Variants in SLC12A2 observed in about 807,000 individuals in gnomAD.
SLC12A2 encodes the protein Na-K-2Cl cotransporter 1.
Under a neutral mutation model 136.3 loss-of-function variants are expected in SLC12A2, and 67 were observed. That is an observed-to-expected ratio of 0.49 (90% confidence interval 0.40 to 0.60). The LOEUF (loss-of-function observed/expected upper bound fraction) is 0.60, where lower values mean the gene tolerates loss of function less well. Among genes scored for constraint, SLC12A2 ranks in the 20% least tolerant of loss-of-function variants. The probability of loss-of-function intolerance (pLI) is 0.00; values close to 1 mark genes in which losing one functional copy is unlikely to be tolerated. For synonymous variants in SLC12A2, 619 were observed against 562.9 expected, an observed-to-expected ratio of 1.10 and a Z score of -1.41; for missense variants, 1,322 against 1,534.7, an observed-to-expected ratio of 0.86 and a Z score of 2.32.
Position 128,083,915 on chromosome 5 carries a change from G to GTCCGCCGGGCTCTGCAGT in SLC12A2, c.-30_-13dup, listed in dbSNP as rs1458311856. ...GTGTGGAGGGCGTGCTGCCGGAGAC[G>GTCCGCCGGGCTCTGCAGT]TCCGCCGGGCTCTGCAGTTCCGCCG... On this transcript the variant is annotated 5_prime_UTR_variant, in exon 1 of 27. Coordinates refer to ENST00000262461, the MANE Select transcript of SLC12A2 (RefSeq NM_001046.3). 4 of 1,216,334 alleles carry GTCCGCCGGGCTCTGCAGT rather than the reference G, an allele frequency of 3.3e-6. No homozygotes were observed. The highest frequency in any genetic ancestry group is 4.1e-6 in the Non-Finnish European group (4 of 977,586). The allele number at this position is 1,216,334 out of a possible 1,614,324, so 75.3% of individuals were successfully genotyped here.
chr5:128,162,947 G>T (rs1292344504), intron 17 of SLC12A2, among the ~76,000 whole-genome samples: 1 of 148,830 alleles, frequency 6.7e-6, no homozygotes, highest in Non-Finnish European at 1.5e-5. Flanking sequence ...ATTTTTGTGA[G>T]TTTTTTTTTT....
At chr5:128,153,802 G>A (rs1476503450) in intron 15 of SLC12A2, among the ~76,000 whole-genome samples, 1 of 151,826 alleles carries the variant, frequency 6.6e-6, no homozygotes, top group East Asian at 1.9e-4. Flanking sequence ...TTATTTTTTT[G>A]TTACTCTTTT....
intron 15 of SLC12A2, among the ~76,000 whole-genome samples, chr5:128,153,353 G>C (rs1762766769): frequency 6.6e-6 from 1 of 152,182 alleles, no homozygotes; most frequent in Admixed American, 6.5e-5. Context: ...TCAGGAGTTT[G>C]AGACCAGCCT....
intron 11 of SLC12A2, among the ~76,000 whole-genome samples, chr5:128,148,177 A>G (rs1421376507): frequency 1.3e-5 from 2 of 151,770 alleles, no homozygotes; most frequent in Admixed American, 1.3e-4. Context: ...ATGATGATGT[A>G]TAGGATAGAC....
intron 4 of SLC12A2, among the ~76,000 whole-genome samples, chr5:128,119,273 T>A (rs1158665745): frequency 6.6e-6 from 1 of 152,122 alleles, no homozygotes; most frequent in Admixed American, 6.5e-5. Context: ...AGACTGAAAG[T>A]TGACTATTAA....
At chr5:128,167,402 G>A (rs1763236180) in intron 17 of SLC12A2, among the ~76,000 whole-genome samples, 1 of 151,992 alleles carries the variant, frequency 6.6e-6, no homozygotes, top group Non-Finnish European at 1.5e-5. Context: ...GTTTTTAATG[G>A]CTGTTATCAC....
intron 16 of SLC12A2, among the ~76,000 whole-genome samples, chr5:128,160,952 G>T (rs964665123): frequency 1.3e-5 from 2 of 151,982 alleles, no homozygotes; most frequent in African/African-American, 4.8e-5. Context: ...GTTTGTCTCT[G>T]AGCTGATCAG....
chr5:128,110,037 C>T, intron 1 of SLC12A2: 1 of 1,062,168 alleles, frequency 9.4e-7, no homozygotes. Context: ...AAGACTTGGA[C>T]AGAGGCAGAG....
At chr5:128,174,492 CA>C in intron 19 of SLC12A2, 48 bp from the exon 20 acceptor site, 1 of 1,384,102 alleles carries the variant, frequency 7.2e-7, no homozygotes, top group Non-Finnish European at 1.0e-6. Context: ...CCTTATTTAA[CA>C]GTTAAAATAT....
rs1763249282 is a variant in SLC12A2 at position 128,167,805 on chromosome 5, A to G, written c.2661A>G (p.Gly887=). Residue 887 remains glycine (G), a synonymous_variant, in exon 18 of 27, where the codon GGA becomes GGG. Coordinates refer to ENST00000262461, the MANE Select transcript of SLC12A2 (RefSeq NM_001046.3). The stretch of plus-strand genomic sequence containing the variant: ...TGAAGCCAAACACACTTGTCCTTGG[A>G]TTTAAGAAAGATTGGTTGCAAGCAG... ...GRMKPNTLVL[G]FKKDWLQADM... The G allele has an allele frequency of 6.2e-7, 1 of 1,610,050 alleles. No homozygotes were observed. Among genetic ancestry groups the G allele is most frequent in the Non-Finnish European group, 8.5e-7 (1 of 1,178,376 alleles).
At chr5:128,133,409 A>G (rs991021433) in intron 5 of SLC12A2, among the ~76,000 whole-genome samples, 1 of 152,020 alleles carries the variant, frequency 6.6e-6, no homozygotes, top group African/African-American at 2.4e-5. Flanking sequence ...CTTGTAATTG[A>G]CTTTTATGAA....
At chr5:128,145,447 C>T (rs924517783) in intron 10 of SLC12A2, among the ~76,000 whole-genome samples, 1 of 152,066 alleles carries the variant, frequency 6.6e-6, no homozygotes, top group Non-Finnish European at 1.5e-5. Flanking sequence ...TTTACAATCT[C>T]CTTCCCTAAA....
rs757673212 is a variant in SLC12A2 at position 128,084,181 on chromosome 5, C to G, written c.227C>G (p.Pro76Arg). 1.2e-5 allele frequency: 16 copies of G among 1,292,240 alleles called. No individual in the cohort carries two copies. Among genetic ancestry groups the G allele is most frequent in the African/African-American group, 1.6e-5 (1 of 64,334 alleles). The allele number at this position is 1,292,240 out of a possible 1,614,324, so 80.0% of individuals were successfully genotyped here. Residue 76 changes from proline to arginine, a missense_variant, in exon 1 of 27, where the codon CCG becomes CGG. This residue lies in a region of SLC12A2 where 358 missense variants were observed against 299.7 expected (regional missense o/e 1.19). Transcript: ENST00000262461. The surrounding 1 kb of genome is among the most constrained non-coding windows in gnomAD (Gnocchi z 5.6). ...CTGGGCAGACCCTTGGGGCCCACCC[C>G]GAGCCAGAGCCGTTTCCAGGTGGAC... ...DGLGRPLGPT[P>R]SQSRFQVDLV...
At chr5:128,173,732 C>T (rs1361216136) in intron 19 of SLC12A2, among the ~76,000 whole-genome samples, 1 of 152,134 alleles carries the variant, frequency 6.6e-6, no homozygotes, top group African/African-American at 2.4e-5. Flanking sequence ...TAGCATAGTG[C>T]TGGCATGTAG....
chr5:128,134,397 C>G (rs1762121843), intron 6 of SLC12A2, 122 bp downstream of exon 6: 4 of 605,130 alleles, frequency 6.6e-6, no homozygotes, highest in Non-Finnish European at 1.2e-5. Context: ...TGGCCATTTT[C>G]ACAAATGTTT....
At chr5:128,133,592 A>C (rs993549373) in intron 5 of SLC12A2, among the ~76,000 whole-genome samples, 1 of 152,056 alleles carries the variant, frequency 6.6e-6, no homozygotes, top group African/African-American at 2.4e-5. Context: ...TTATTTGAGA[A>C]GTGGTAGTAA....
At chr5:128,096,746 A>G (rs1760552517) in intron 1 of SLC12A2, among the ~76,000 whole-genome samples, 1 of 152,216 alleles carries the variant, frequency 6.6e-6, no homozygotes, top group East Asian at 1.9e-4. Flanking sequence ...TCCTGTATCA[A>G]TTCCAATTAT....
chr5:128,120,144 C>G (rs1416473750), intron 4 of SLC12A2, among the ~76,000 whole-genome samples: 1 of 152,234 alleles, frequency 6.6e-6, no homozygotes, highest in African/African-American at 2.4e-5. Context: ...AAACGCAAAC[C>G]AAAACCACAA....
At chr5:128,125,910 C>G (rs1761774544) in intron 4 of SLC12A2, among the ~76,000 whole-genome samples, 1 of 152,086 alleles carries the variant, frequency 6.6e-6, no homozygotes, top group Admixed American at 6.5e-5. Flanking sequence ...TGTTTTGGCA[C>G]CATTTTTTGA....
Sources: gnomAD v4.1 joint callset for allele counts (sites outside exome capture counted in the v4.1 genomes callset) on GRCh38, gnomAD v4.1.1 for gene constraint, gnomAD v4.1.1 regional missense constraint, Gnocchi (gnomAD v3.1) non-coding constraint, MANE v1.5 for transcripts, NCBI Gene and HGNC (gene_info 2026-07-23, HGNC 2026-07-21) for gene names.